Variants in CNTNAP2 observed in about 807,000 individuals in gnomAD.
The protein encoded by CNTNAP2 is contactin associated protein 2.
A neutral mutation model predicts 155.2 loss-of-function variants in CNTNAP2; 98 were observed. The ratio of observed to expected loss-of-function variants is 0.63; its 90% confidence interval spans 0.54 to 0.75. The LOEUF is 0.75. Ranked by LOEUF, CNTNAP2 falls within the 30% of genes least tolerant of loss-of-function variation. The pLI, the probability that CNTNAP2 is intolerant of heterozygous loss-of-function variation, is 0.00. For missense variants in CNTNAP2, 1,727 were observed against 1,688.1 expected (o/e 1.02, Z -0.40); for synonymous variants, 651 against 631.2 (o/e 1.03, Z -0.47).
At chr7:147,925,292 G>GCACACACA (rs71183036) in intron 14 of CNTNAP2, among the ~76,000 whole-genome samples, 2 of 143,116 alleles carry the variant, frequency 1.4e-5, no homozygotes, top group Non-Finnish European at 3.1e-5. Context: ...AAGCGCGCGC[G>GCACACACA]CACACACACA....
At chr7:147,929,342 G>A (rs991613170) in intron 14 of CNTNAP2, among the ~76,000 whole-genome samples, 8 of 152,224 alleles carry the variant, frequency 5.3e-5, no homozygotes, top group East Asian at 1.9e-4. Context: ...ACATGGAGGT[G>A]AGGAGAAGGA....
chr7:147,450,897 T>C (rs533996970), intron 10 of CNTNAP2, among the ~76,000 whole-genome samples: 61 of 152,354 alleles, frequency 4.0e-4, no homozygotes, highest in Non-Finnish European at 7.6e-4. Context: ...ATTCCTTATA[T>C]TCTCAGTACC....
At chr7:147,420,301 A>G (rs992138538) in intron 10 of CNTNAP2, among the ~76,000 whole-genome samples, 9 of 152,226 alleles carry the variant, frequency 5.9e-5, no homozygotes, top group Non-Finnish European at 1.3e-4. Flanking sequence ...TATAATTTTT[A>G]AAGTATTATT....
chr7:148,204,794 G>A (rs2116735924), intron 18 of CNTNAP2, among the ~76,000 whole-genome samples: 1 of 152,310 alleles, frequency 6.6e-6, no homozygotes, highest in East Asian at 1.9e-4. Context: ...CTAGACAGAG[G>A]GAGGAGTGTG....
chr7:147,713,371 C>T lies in CNTNAP2; in HGVS notation c.2098+74065C>T, dbSNP rs1186009519. Among the ~76,000 whole-genome samples the T allele has an allele frequency of 2.2e-4, 33 of 152,108 alleles. 1 individual carries two copies. Among genetic ancestry groups the T allele is most frequent in the Admixed American group, 2.2e-3 (33 of 15,242 alleles). ...ACTGATAACCTGATCCATTTCCTGCCTCTATAGTTTTCCATCTATGAAACC... is the reference window on the plus strand; with the variant it reads ...ACTGATAACCTGATCCATTTCCTGCTTCTATAGTTTTCCATCTATGAAACC... On this transcript the variant is annotated intron_variant, in intron 13 of 23. Transcript: ENST00000361727.
At chr7:147,365,126 G>A (rs1429104888) in intron 9 of CNTNAP2, among the ~76,000 whole-genome samples, 2 of 151,712 alleles carry the variant, frequency 1.3e-5, no homozygotes, top group Non-Finnish European at 2.9e-5. Flanking sequence ...TGAATAGGCC[G>A]AGTGCAGTGG....
At chr7:147,812,140 T>C (rs1798190283) in intron 13 of CNTNAP2, among the ~76,000 whole-genome samples, 1 of 152,078 alleles carries the variant, frequency 6.6e-6, no homozygotes, top group Non-Finnish European at 1.5e-5. Flanking sequence ...ATTCACCATG[T>C]GACTATGTGG....
chr7:147,335,032 G>T (rs1364662963), intron 9 of CNTNAP2, among the ~76,000 whole-genome samples: 1 of 152,074 alleles, frequency 6.6e-6, no homozygotes, highest in Non-Finnish European at 1.5e-5. Flanking sequence ...AGTTTAAGTG[G>T]CTTGCCAAGG....
At chr7:146,948,809 A>T (rs1308057494) in intron 3 of CNTNAP2, among the ~76,000 whole-genome samples, 2 of 152,144 alleles carry the variant, frequency 1.3e-5, no homozygotes, top group Admixed American at 6.6e-5. Flanking sequence ...TTTTTTCTTT[A>T]CAACACAGGA....
chr7:146,259,756 A>G (rs1002892057), intron 1 of CNTNAP2, among the ~76,000 whole-genome samples: 2 of 152,238 alleles, frequency 1.3e-5, no homozygotes, highest in Non-Finnish European at 2.9e-5. Context: ...AAAGCAGAGC[A>G]TAAAAGTTTG....
chr7:147,165,573 G>T (rs557892132), intron 8 of CNTNAP2, among the ~76,000 whole-genome samples: 1 of 152,170 alleles, frequency 6.6e-6, no homozygotes, highest in African/African-American at 2.4e-5. Context: ...GCCAATGTCT[G>T]GAAGGGTTTT....
intron 1 of CNTNAP2, among the ~76,000 whole-genome samples, chr7:146,425,006 A>C (rs1796068083): frequency 6.6e-6 from 1 of 152,208 alleles, no homozygotes; most frequent in African/African-American, 2.4e-5. Context: ...CTTACATTTT[A>C]TTATTAATCA....
intron 20 of CNTNAP2, among the ~76,000 whole-genome samples, chr7:148,257,006 T>C (rs1382713587): frequency 2.0e-5 from 3 of 152,122 alleles, no homozygotes; most frequent in Non-Finnish European, 4.4e-5. Context: ...TTGATTATTG[T>C]ATTTGGTGAA....
intron 3 of CNTNAP2, among the ~76,000 whole-genome samples, chr7:146,991,392 A>G (rs568134876): frequency 7.2e-5 from 11 of 152,292 alleles, no homozygotes; most frequent in African/African-American, 2.6e-4. Flanking sequence ...GAATGAAGGC[A>G]GAAGAAGAGA....
At chr7:147,706,874 T>C (rs1796324257) in intron 13 of CNTNAP2, among the ~76,000 whole-genome samples, 1 of 151,874 alleles carries the variant, frequency 6.6e-6, no homozygotes, top group Non-Finnish European at 1.5e-5. Context: ...AAGACCGCTC[T>C]TAAAGTTCGG....
intron 9 of CNTNAP2, among the ~76,000 whole-genome samples, chr7:147,307,280 T>A (rs931313370): frequency 6.6e-6 from 1 of 152,188 alleles, no homozygotes; most frequent in Non-Finnish European, 1.5e-5. Context: ...ATATCTAAAA[T>A]CTTCTCATAA....
intron 1 of CNTNAP2, among the ~76,000 whole-genome samples, chr7:146,535,670 T>C (rs1797857933): frequency 6.6e-6 from 1 of 151,686 alleles, no homozygotes; most frequent in Admixed American, 6.6e-5. Context: ...TACAAGAGTA[T>C]ATCGTGTGAT....
chr7:148,015,469 G>A (rs577696286), intron 15 of CNTNAP2, among the ~76,000 whole-genome samples: 13 of 152,268 alleles, frequency 8.5e-5, no homozygotes, highest in African/African-American at 3.1e-4. Flanking sequence ...TCAGGAAGGC[G>A]GGCATCGGCG....
intron 13 of CNTNAP2, among the ~76,000 whole-genome samples, chr7:147,874,167 G>T (rs1031767727): frequency 6.6e-5 from 10 of 152,096 alleles, no homozygotes; most frequent in Non-Finnish European, 1.3e-4. Flanking sequence ...CCATTCTGGG[G>T]TCTGGAGGAC....
Sources: allele counts gnomAD v4.1 joint callset (sites outside exome capture counted in the v4.1 genomes callset), GRCh38; gene constraint gnomAD v4.1.1; transcripts MANE v1.5; gene names NCBI Gene and HGNC (gene_info 2026-07-23, HGNC 2026-07-21).